STAU2: variants seen among roughly 807,000 people sequenced by gnomAD.
The protein encoded by STAU2 is double-stranded RNA-binding protein Staufen homolog 2.
In STAU2, 20 loss-of-function variants were observed where a neutral mutation model predicts 65.9. The observed-to-expected ratio is 0.30, with a 90% CI of 0.21 to 0.44. The LOEUF (loss-of-function observed/expected upper bound fraction) is 0.44, where lower values mean the gene tolerates loss of function less well. STAU2 is among the 20% of genes least tolerant of loss of function. STAU2 has a pLI of 1.00. For synonymous variants in STAU2, 232 were observed against 233.9 expected (o/e 0.99, Z 0.07); for missense variants, 558 against 683.9 (o/e 0.82, Z 2.05).
intron 13 of STAU2, among the ~76,000 whole-genome samples, chr8:73,515,933 CT>C (rs570606347): frequency 1.5e-3 from 184 of 126,658 alleles, no homozygotes; most frequent in Admixed American, 1.4e-3. Flanking sequence ...GGCACTGACT[CT>C]TTTTTTTTTT....
At chr8:73,740,284 G>C (rs1343742583) in intron 1 of STAU2, among the ~76,000 whole-genome samples, 1 of 152,100 alleles carries the variant, frequency 6.6e-6, no homozygotes, top group East Asian at 1.9e-4. Flanking sequence ...CTTAAATTCT[G>C]GTGCAATGTG....
intron 6 of STAU2, chr8:73,651,577 G>A: frequency 1.2e-6 from 1 of 817,898 alleles, no homozygotes; most frequent in Non-Finnish European, 2.0e-6. Context: ...GGGCACCCCT[G>A]CCTGGGCCCC....
intron 10 of STAU2, among the ~76,000 whole-genome samples, 169 bp from the exon 11 acceptor site, chr8:73,595,466 G>GA (rs1257257366): frequency 1.2e-4 from 18 of 152,204 alleles, no homozygotes; most frequent in South Asian, 4.1e-4. Context: ...ATATGTACAT[G>GA]AAAAAATGGT....
At chr8:73,716,189 C>T (rs371026658) in intron 3 of STAU2, among the ~76,000 whole-genome samples, 10 of 151,146 alleles carry the variant, frequency 6.6e-5, no homozygotes, top group East Asian at 1.9e-4. Flanking sequence ...CCCGGGTTCA[C>T]GCCATTCTCC....
At chr8:73,707,212 A>G (rs1376256447) in intron 4 of STAU2, among the ~76,000 whole-genome samples, 1 of 152,198 alleles carries the variant, frequency 6.6e-6, no homozygotes, top group African/African-American at 2.4e-5. Context: ...GAGCTATGTG[A>G]GGATTGGGGA....
chr8:73,501,419 T>A (rs1821744018), intron 13 of STAU2, among the ~76,000 whole-genome samples: 1 of 151,974 alleles, frequency 6.6e-6, no homozygotes, highest in Non-Finnish European at 1.5e-5. Context: ...CATCTTAAAA[T>A]TTTAAATATC....
intron 13 of STAU2, chr8:73,527,588 T>C: frequency 1.3e-6 from 1 of 785,272 alleles, no homozygotes; most frequent in Non-Finnish European, 2.0e-6. Context: ...AGATAATGTA[T>C]TAAGGAAAGC....
intron 13 of STAU2, chr8:73,527,247 C>A (rs572525961): frequency 5.7e-5 from 9 of 157,046 alleles, no homozygotes; most frequent in African/African-American, 2.2e-4. Flanking sequence ...AACAAAATCA[C>A]CTGATGATGC....
chr8:73,424,965 G>A (rs1358052699), intron 13 of STAU2, among the ~76,000 whole-genome samples: 2 of 152,076 alleles, frequency 1.3e-5, no homozygotes, highest in African/African-American at 2.4e-5. Context: ...CTGGAGTGCT[G>A]CAGGGAGAAG....
intron 4 of STAU2, among the ~76,000 whole-genome samples, chr8:73,700,824 G>A (rs1193186290): frequency 1.3e-5 from 2 of 151,992 alleles, no homozygotes; most frequent in Admixed American, 1.3e-4. Context: ...AAGCTATCCT[G>A]AGCAAAAAGA....
At chr8:73,551,369 G>C (rs1436526896) in intron 13 of STAU2, 1 of 986,914 alleles carries the variant, frequency 1.0e-6, no homozygotes, top group African/African-American at 1.7e-5. Context: ...AGAATTGTTG[G>C]TACTATCTGA....
In STAU2 at chr8:73,575,512, C is replaced by T. The variant is rs745691381; in HGVS notation, c.1222+7258G>A. On this transcript the variant is annotated intron_variant, in intron 12 of 14. Transcript: ENST00000524300. ...AATTTCTCCAACAAATATGCTACCACATACGTAAAATTACTTATGTATGAG... is the reference window on the plus strand; with the variant it reads ...AATTTCTCCAACAAATATGCTACCATATACGTAAAATTACTTATGTATGAG... 1.8e-4 allele frequency among the ~76,000 whole-genome samples: 27 copies of T among 152,218 alleles called. 1 individual carries two copies. Among genetic ancestry groups the T allele is most frequent in the Non-Finnish European group, 2.4e-4 (16 of 68,004 alleles).
rs796816909 is a variant in STAU2, at chr8:73,720,657, C to T, written c.-17-11495G>A. ...CCTCCCGAGTAGCTGGGACTACAGG[C>T]GCCCGCCACCGCGCCCGGCTAATTT... On this transcript the variant is annotated intron_variant, in intron 3 of 14. Transcript: ENST00000524300. Among the ~76,000 whole-genome samples the T allele has an allele frequency of 1.1e-4, 13 of 117,010 alleles. 2 individuals are homozygous for T. The East Asian group carries it at 1.8e-3, about 17-fold the overall frequency. 76.8% of individuals were successfully genotyped at this position (117,010 alleles called of 152,430 possible).
chr8:73,424,922 C>G (rs568892353), intron 13 of STAU2, among the ~76,000 whole-genome samples: 3 of 152,050 alleles, frequency 2.0e-5, no homozygotes, highest in East Asian at 2.0e-4. Flanking sequence ...ATGTGGTGCT[C>G]AAGTCTCAGT....
At chr8:73,510,305 T>C (rs924750912) in intron 13 of STAU2, among the ~76,000 whole-genome samples, 1 of 152,020 alleles carries the variant, frequency 6.6e-6, no homozygotes, top group East Asian at 1.9e-4. Flanking sequence ...CCCAATCTCA[T>C]GTGATCCGCC....
chr8:73,448,346 C>T (rs1200818942), intron 13 of STAU2, among the ~76,000 whole-genome samples: 2 of 151,904 alleles, frequency 1.3e-5, no homozygotes, highest in African/African-American at 4.8e-5. Context: ...TGCAGTGGTG[C>T]GATCTTGGCT....
chr8:73,724,390 G>A lies in STAU2; in HGVS notation c.-18+13894C>T, dbSNP rs182006421. Among the ~76,000 whole-genome samples, 89 of 152,064 alleles carry A rather than the reference G, an allele frequency of 5.9e-4. 2 individuals are homozygous for A. Among genetic ancestry groups the A allele is most frequent in the Admixed American group, 1.1e-3 (17 of 15,272 alleles). The stretch of plus-strand genomic sequence containing the variant: ...TTCTTGTAAACATCATAAATATACC[G>A]TCCCTGACTTACGATGGTTCACCTT... On this transcript the variant is annotated intron_variant, in intron 3 of 14. Coordinates refer to ENST00000524300, the MANE Select transcript of STAU2 (RefSeq NM_001164380.2).
chr8:73,425,106 T>C (rs1816702031), intron 13 of STAU2, among the ~76,000 whole-genome samples: 1 of 152,170 alleles, frequency 6.6e-6, no homozygotes, highest in Non-Finnish European at 1.5e-5. Flanking sequence ...CCCTGGATAC[T>C]GTTATAGGTC....
At chr8:73,596,583 G>A (rs1421646702) in intron 10 of STAU2, among the ~76,000 whole-genome samples, 1 of 152,162 alleles carries the variant, frequency 6.6e-6, no homozygotes, top group Non-Finnish European at 1.5e-5. Context: ...TGTAATTCTG[G>A]TCAGGTGTGG....
Sources: allele counts gnomAD v4.1 joint callset (sites outside exome capture counted in the v4.1 genomes callset), GRCh38; gene constraint gnomAD v4.1.1; transcripts MANE v1.5; gene names NCBI Gene and HGNC (gene_info 2026-07-23, HGNC 2026-07-21).